The following NUBPL variants were observed in gnomAD, a reference collection of about 807,000 sequenced individuals.
NUBPL encodes the protein iron-sulfur cluster transfer protein NUBPL.
In NUBPL, 31 loss-of-function variants were observed where a neutral mutation model predicts 45.7. That is an observed-to-expected ratio of 0.68 (90% CI 0.51 to 0.92). The LOEUF is 0.92. NUBPL is among the 40% of genes least tolerant of loss of function. NUBPL has a pLI of 0.00. For synonymous variants in NUBPL, 144 were observed against 140.9 expected, an observed-to-expected ratio of 1.02 and a Z score of -0.15; for missense variants, 401 against 398.7, an observed-to-expected ratio of 1.01 and a Z score of -0.05.
intron 4 of NUBPL, among the ~76,000 whole-genome samples, chr14:31,642,340 G>A (rs761204579): frequency 1.2e-4 from 19 of 152,180 alleles, no homozygotes; most frequent in South Asian, 1.0e-3. Flanking sequence ...TATTTAATCC[G>A]TTTTAATTTG....
At chr14:31,825,433 A>C (rs943374641) in intron 7 of NUBPL, among the ~76,000 whole-genome samples, 1 of 152,114 alleles carries the variant, frequency 6.6e-6, no homozygotes. Context: ...CAGTCTTCCA[A>C]GTAGAATATT....
At chr14:31,657,071 T>G (rs1473114504) in intron 4 of NUBPL, among the ~76,000 whole-genome samples, 6 of 152,202 alleles carry the variant, frequency 3.9e-5, no homozygotes, top group African/African-American at 1.2e-4. Context: ...TTATATAAAT[T>G]GATAATTGCC....
rs908595970 is a variant in NUBPL at position 31,784,415 on chromosome 14, A to G, written c.514-3365A>G. Among the ~76,000 whole-genome samples the G allele has an allele frequency of 1.1e-4, 17 of 152,324 alleles. No homozygotes were observed. The East Asian group carries it at 3.3e-3, about 29-fold the overall frequency. ...GGAAGTTAATGTATAAGGAAAATCA[A>G]CAGAGAAGAGGGAAGGAACCTTCCC... On this transcript the variant is annotated intron_variant, in intron 6 of 10. Coordinates refer to ENST00000281081, the MANE Select transcript of NUBPL (RefSeq NM_025152.3).
At chr14:31,646,930 A>G (rs2035871086) in intron 4 of NUBPL, among the ~76,000 whole-genome samples, 1 of 151,984 alleles carries the variant, frequency 6.6e-6, no homozygotes, top group South Asian at 2.1e-4. Context: ...TGTGTTTTCA[A>G]ATAGTCTTGT....
At chr14:31,798,107 G>C (rs1362439586) in intron 7 of NUBPL, among the ~76,000 whole-genome samples, 2 of 149,330 alleles carry the variant, frequency 1.3e-5, no homozygotes, top group South Asian at 2.1e-4. Flanking sequence ...GAGATCCGCT[G>C]TTAGTCTGAT....
chr14:31,829,101 C>G (rs935424036), intron 8 of NUBPL, among the ~76,000 whole-genome samples: 1 of 152,144 alleles, frequency 6.6e-6, no homozygotes, highest in Non-Finnish European at 1.5e-5. Context: ...CAAGTTAGAG[C>G]AGTTCTGGGT....
intron 4 of NUBPL, among the ~76,000 whole-genome samples, chr14:31,615,451 C>A (rs1001940194): frequency 1.3e-5 from 2 of 152,070 alleles, no homozygotes; most frequent in Non-Finnish European, 2.9e-5. Context: ...CCCTAGCCCC[C>A]CCAACTCACT....
Position 31,668,799 on chromosome 14 carries a change from C to T in NUBPL, c.383-4556C>T, listed in dbSNP as rs868303283. Among the ~76,000 whole-genome samples, 43 of 152,278 alleles carry T rather than the reference C, an allele frequency of 2.8e-4. No homozygotes were observed. In the Middle Eastern group the frequency reaches 0.017, roughly 60 times the overall value. Reference sequence around the variant, plus strand: ...CTTCCCTTGGCTAAGGGAGGGAGGTCCCCAGCCCCTTGCACTTCCCAGATG... The same window carrying T: ...CTTCCCTTGGCTAAGGGAGGGAGGTTCCCAGCCCCTTGCACTTCCCAGATG... On this transcript the variant is annotated intron_variant, in intron 4 of 10. Coordinates refer to ENST00000281081, the MANE Select transcript of NUBPL (RefSeq NM_025152.3).
intron 6 of NUBPL, among the ~76,000 whole-genome samples, chr14:31,705,175 G>A (rs184588078): frequency 1.1e-4 from 17 of 151,832 alleles, no homozygotes; most frequent in African/African-American, 2.9e-4. Context: ...ACTCTCATCC[G>A]GAGTTGTTCG....
Position 31,793,841 on chromosome 14 carries a change from A to AT in NUBPL, c.607+5979dup, listed in dbSNP as rs1217047489. ...CCCCTTATCTTTCTTTTTTTTTTTTATTTTTTTTTTTATTTTTTCCCAATG... is the reference window on the plus strand; with the variant it reads ...CCCCTTATCTTTCTTTTTTTTTTTTATTTTTTTTTTTTATTTTTTCCCAATG... On this transcript the variant is annotated intron_variant, in intron 7 of 10. Transcript: ENST00000281081. Among the ~76,000 whole-genome samples the AT allele has an allele frequency of 4.7e-3, 302 of 64,382 alleles. 6 individuals carry two copies. Among genetic ancestry groups the AT allele is most frequent in the African/African-American group, 8.9e-3 (176 of 19,816 alleles). The allele number at this position is 64,382 out of a possible 152,430, so 42.2% of individuals were successfully genotyped here. A position where few individuals can be genotyped will look rare whatever the true frequency, so the allele number is the denominator to read the frequency against.
At chr14:31,666,985 T>G (rs1202654717) in intron 4 of NUBPL, among the ~76,000 whole-genome samples, 2 of 152,182 alleles carry the variant, frequency 1.3e-5, no homozygotes, top group African/African-American at 4.8e-5. Context: ...GCCCTTAATA[T>G]TTTTTCCTTC....
chr14:31,803,992 C>G (rs2039639329), intron 7 of NUBPL, among the ~76,000 whole-genome samples: 1 of 152,098 alleles, frequency 6.6e-6, no homozygotes, highest in Non-Finnish European at 1.5e-5. Flanking sequence ...CTCCCTGGTT[C>G]AAGGGATTCT....
chr14:31,600,772 T>G (rs923455537), intron 4 of NUBPL, among the ~76,000 whole-genome samples: 2 of 151,562 alleles, frequency 1.3e-5, no homozygotes, highest in Non-Finnish European at 2.9e-5. Context: ...ATCCCATTTG[T>G]CAATTTTGGC....
chr14:31,585,630 C>T (rs1476620667), intron 3 of NUBPL, among the ~76,000 whole-genome samples: 1 of 152,160 alleles, frequency 6.6e-6, no homozygotes, highest in Non-Finnish European at 1.5e-5. Context: ...AGGCTGCTAT[C>T]CATATTTCTG....
chr14:31,789,794 G>T (rs56686904), intron 7 of NUBPL, among the ~76,000 whole-genome samples: 4,957 of 151,956 alleles, frequency 0.033, 248 homozygotes, highest in African/African-American at 0.11. Context: ...TAACATATTT[G>T]TAATCTTAAT....
chr14:31,747,295 C>T (rs2038422373), intron 6 of NUBPL, among the ~76,000 whole-genome samples: 1 of 151,492 alleles, frequency 6.6e-6, no homozygotes, highest in African/African-American at 2.4e-5. Context: ...GCCACCACGC[C>T]CAGCTAATAT....
At chr14:31,825,918 G>A (rs1437691328) in intron 7 of NUBPL, among the ~76,000 whole-genome samples, 1 of 150,360 alleles carries the variant, frequency 6.7e-6, no homozygotes, top group African/African-American at 2.4e-5. Flanking sequence ...GGACTCCTGG[G>A]CTTAAGTGAT....
chr14:31,759,883 T>G (rs2038760760), intron 6 of NUBPL, among the ~76,000 whole-genome samples: 1 of 151,446 alleles, frequency 6.6e-6, no homozygotes, highest in African/African-American at 2.4e-5. Flanking sequence ...TAGGCCAGTA[T>G]AAGTGTTCTG....
At chr14:31,837,136 A>G (rs148232764) in intron 8 of NUBPL, among the ~76,000 whole-genome samples, 128 of 152,284 alleles carry the variant, frequency 8.4e-4, no homozygotes, top group African/African-American at 2.9e-3. Context: ...AGCCTTGGCA[A>G]TACACTAAGA....
Sources: allele counts gnomAD v4.1 joint callset (sites outside exome capture counted in the v4.1 genomes callset), GRCh38; gene constraint gnomAD v4.1.1; transcripts MANE v1.5; gene names NCBI Gene and HGNC (gene_info 2026-07-23, HGNC 2026-07-21).